Variants in ROBO2 observed in about 807,000 individuals in gnomAD.
ROBO2 encodes roundabout homolog 2.
Under a neutral mutation model 160.8 loss-of-function variants are expected in ROBO2, and 53 were observed. The observed-to-expected ratio is 0.33, with a 90% CI of 0.26 to 0.41. The LOEUF is 0.41. Among genes scored for constraint, ROBO2 ranks in the 10% least tolerant of loss-of-function variants. ROBO2 has a pLI of 1.00. For synonymous variants in ROBO2, 664 were observed against 611.7 expected (o/e 1.09, Z -1.26); for missense variants, 1,577 against 1,722.4 (o/e 0.92, Z 1.49).
intron 2 of ROBO2, among the ~76,000 whole-genome samples, chr3:76,916,323 TA>T (rs1336493630): frequency 1.3e-5 from 2 of 152,076 alleles, no homozygotes; most frequent in Non-Finnish European, 2.9e-5. Flanking sequence ...AAAATGCAAA[TA>T]AAAGAGACTT....
intron 6 of ROBO2, among the ~76,000 whole-genome samples, chr3:77,523,958 A>G (rs1263218850): frequency 6.6e-6 from 1 of 151,296 alleles, no homozygotes; most frequent in Non-Finnish European, 1.5e-5. Flanking sequence ...AAGTTGCAGG[A>G]AAGGTGTGAG....
intron 2 of ROBO2, among the ~76,000 whole-genome samples, chr3:76,994,754 T>A (rs944276217): frequency 2.0e-5 from 3 of 152,170 alleles, no homozygotes; most frequent in Non-Finnish European, 1.5e-5. Flanking sequence ...TGGAAAAATG[T>A]ATGTTAATAT....
At chr3:77,178,689 G>A (rs2080397314) in intron 2 of ROBO2, among the ~76,000 whole-genome samples, 2 of 151,888 alleles carry the variant, frequency 1.3e-5, no homozygotes, top group African/African-American at 2.4e-5. Context: ...ATATTGCCAT[G>A]TACATATTTT....
chr3:77,201,425 A>G (rs558795998), intron 2 of ROBO2, among the ~76,000 whole-genome samples: 1 of 152,304 alleles, frequency 6.6e-6, no homozygotes, highest in Admixed American at 6.5e-5. Context: ...ACATAATAAC[A>G]ATTACAGTTT....
intron 2 of ROBO2, among the ~76,000 whole-genome samples, chr3:76,252,725 T>A (rs1289044344): frequency 6.7e-6 from 1 of 149,862 alleles, no homozygotes; most frequent in Admixed American, 6.8e-5. Context: ...CACACTCACA[T>A]ATATACATAT....
chr3:76,037,071 C>G (rs991137551), intron 2 of ROBO2, among the ~76,000 whole-genome samples: 1 of 151,828 alleles, frequency 6.6e-6, no homozygotes, highest in South Asian at 2.1e-4. Context: ...CCCTTAAGTA[C>G]TATATGCTCA....
chr3:76,518,707 C>CA lies in ROBO2; in HGVS notation c.110-579304dup, dbSNP rs368236659. On this transcript the variant is annotated intron_variant, in intron 2 of 26. Coordinates refer to the ROBO2 transcript ENST00000487694. Reference sequence around the variant, plus strand: ...TTGTGTTATTTTGAAAATAAATAAGCAAATTTTATTTATGTCATCATGTTC... The same window carrying CA: ...TTGTGTTATTTTGAAAATAAATAAGCAAAATTTTATTTATGTCATCATGTTC... Among the ~76,000 whole-genome samples, 866 of 152,162 alleles carry CA rather than the reference C, an allele frequency of 5.7e-3. 13 individuals are homozygous for CA. Among genetic ancestry groups the CA allele is most frequent in the African/African-American group, 0.02 (818 of 41,526 alleles).
At chr3:76,814,037 T>A (rs1019540396) in intron 2 of ROBO2, among the ~76,000 whole-genome samples, 2 of 152,080 alleles carry the variant, frequency 1.3e-5, no homozygotes, top group African/African-American at 4.8e-5. Flanking sequence ...AAAATAATAT[T>A]CAATCTCATT....
chr3:77,465,694 G>A (rs959788593), intron 2 of ROBO2, among the ~76,000 whole-genome samples: 3 of 152,100 alleles, frequency 2.0e-5, no homozygotes, highest in Admixed American at 6.6e-5. Flanking sequence ...ACATACTTTT[G>A]GGTAAAACAC....
chr3:76,883,742 G>A (rs2073600811), intron 2 of ROBO2, among the ~76,000 whole-genome samples: 1 of 152,184 alleles, frequency 6.6e-6, no homozygotes, highest in Non-Finnish European at 1.5e-5. Flanking sequence ...TACTGTCAAT[G>A]CAATGGTTTC....
intron 2 of ROBO2, among the ~76,000 whole-genome samples, chr3:77,005,128 C>T (rs939868946): frequency 6.6e-6 from 1 of 152,178 alleles, no homozygotes; most frequent in Non-Finnish European, 1.5e-5. Context: ...CGCTTTTCTT[C>T]CCACCGCTCA....
chr3:77,074,223 G>A (rs749600035), intron 1 of ROBO2, among the ~76,000 whole-genome samples: 7 of 152,178 alleles, frequency 4.6e-5, no homozygotes, highest in Non-Finnish European at 8.8e-5. Context: ...GTGAGGTAAT[G>A]GCACTTTATG....
chr3:77,415,498 C>T lies in ROBO2; in HGVS notation c.389-61916C>T, dbSNP rs13072697. ...ATAAGGAAGTGACAATGACACAGGGCGCTTTCAGCTCCACTTCACCAGCCA... is the reference window on the plus strand; with the variant it reads ...ATAAGGAAGTGACAATGACACAGGGTGCTTTCAGCTCCACTTCACCAGCCA... On this transcript the variant is annotated intron_variant, in intron 2 of 25. Coordinates refer to ENST00000461745, the Ensembl canonical transcript of ROBO2. Among the ~76,000 whole-genome samples the T allele has an allele frequency of 3.9e-3, 600 of 152,256 alleles. 3 individuals are homozygous for T. Among genetic ancestry groups the T allele is most frequent in the Middle Eastern group, 0.02 (6 of 294 alleles).
intron 2 of ROBO2, among the ~76,000 whole-genome samples, chr3:77,422,011 A>T (rs1470786207): frequency 6.6e-6 from 1 of 152,196 alleles, no homozygotes; most frequent in Non-Finnish European, 1.5e-5. Flanking sequence ...AATTAGATTC[A>T]TGTGCTGATT....
At chr3:76,959,443 G>A (rs1450160170) in intron 2 of ROBO2, among the ~76,000 whole-genome samples, 14 of 152,140 alleles carry the variant, frequency 9.2e-5, no homozygotes. Flanking sequence ...ATTGATCTCA[G>A]ACCCATTGTA....
chr3:77,622,885 A>C (rs1292526973), intron 23 of ROBO2, among the ~76,000 whole-genome samples: 1 of 152,218 alleles, frequency 6.6e-6, no homozygotes, highest in East Asian at 1.9e-4. Context: ...TTAAGGTTGC[A>C]CAAGGTATTA....
chr3:76,404,222 A>G (rs2078005874), intron 2 of ROBO2, among the ~76,000 whole-genome samples: 1 of 151,744 alleles, frequency 6.6e-6, no homozygotes, highest in East Asian at 1.9e-4. Flanking sequence ...ATGACAACAT[A>G]GAATCAAATT....
intron 2 of ROBO2, among the ~76,000 whole-genome samples, chr3:76,916,655 G>A (rs1396852197): frequency 6.6e-6 from 1 of 151,714 alleles, no homozygotes; most frequent in African/African-American, 2.4e-5. Context: ...TATTTTAAAA[G>A]ACATATGAGA....
At chr3:77,627,310 C>T (rs773046185) in intron 23 of ROBO2, among the ~76,000 whole-genome samples, 6 of 151,914 alleles carry the variant, frequency 3.9e-5, no homozygotes, top group African/African-American at 9.7e-5. Context: ...GATGTTGTCT[C>T]GCTCTGTCAC....
Sources: gnomAD v4.1 joint callset for allele counts (sites outside exome capture counted in the v4.1 genomes callset) on GRCh38, gnomAD v4.1.1 for gene constraint, MANE v1.5 for transcripts, NCBI Gene and HGNC (gene_info 2026-07-23, HGNC 2026-07-21) for gene names.